ACBD6: variants seen among roughly 807,000 people sequenced by gnomAD.
The protein encoded by ACBD6 is acyl-CoA binding domain containing 6, also known as acyl-CoA-binding domain-containing protein 6.
ACBD6 carries 28 observed loss-of-function variants against 37.2 expected under a neutral mutation model. The observed-to-expected ratio is 0.75, with a 90% CI of 0.56 to 1.03. The LOEUF (loss-of-function observed/expected upper bound fraction) is 1.03, where lower values mean the gene tolerates loss of function less well. ACBD6 is among the 50% of genes least tolerant of loss of function. The pLI is 0.00. For missense variants in ACBD6, 340 were observed against 337.4 expected (o/e 1.01, Z -0.06); for synonymous variants, 113 against 126.8 (o/e 0.89, Z 0.73).
intron 3 of ACBD6, among the ~76,000 whole-genome samples, chr1:180,450,869 G>C (rs369415536): frequency 1.3e-5 from 2 of 152,050 alleles, no homozygotes; most frequent in Non-Finnish European, 2.9e-5. Context: ...AAACAATAAC[G>C]ATACCAAAAC....
intron 4 of ACBD6, among the ~76,000 whole-genome samples, chr1:180,429,589 T>C (rs1161083359): frequency 3.3e-5 from 5 of 152,204 alleles, no homozygotes; most frequent in African/African-American, 1.2e-4. Context: ...GATTCTGCTT[T>C]CTTGTTTCTG....
At chr1:180,286,010 T>TA (rs1649486814), downstream of ACBD6, among the ~76,000 whole-genome samples, 1 of 152,200 alleles carries the variant, frequency 6.6e-6, no homozygotes, top group Non-Finnish European at 1.5e-5. Flanking sequence ...CTTTTCAAGA[T>TA]ATCTCATGTA....
chr1:180,419,668 TTTTA>T (rs1185100168), intron 4 of ACBD6, among the ~76,000 whole-genome samples: 4 of 152,210 alleles, frequency 2.6e-5, no homozygotes, highest in African/African-American at 9.7e-5. Flanking sequence ...GTTGATAAAT[TTTTA>T]TTTGTGTTAT....
At chr1:180,456,781 T>C (rs140701521) in intron 3 of ACBD6, among the ~76,000 whole-genome samples, 5 of 152,052 alleles carry the variant, frequency 3.3e-5, no homozygotes, top group African/African-American at 9.7e-5. Context: ...TGGAGTACAG[T>C]GGCATGATCA....
At chr1:180,424,362 T>C (rs1276641079) in intron 4 of ACBD6, among the ~76,000 whole-genome samples, 3 of 152,170 alleles carry the variant, frequency 2.0e-5, no homozygotes, top group South Asian at 4.1e-4. Flanking sequence ...TATTCTTATC[T>C]TAAGAATTCA....
At chr1:180,448,186 T>C (rs1469895099) in intron 3 of ACBD6, among the ~76,000 whole-genome samples, 1 of 152,182 alleles carries the variant, frequency 6.6e-6, no homozygotes, top group East Asian at 1.9e-4. Context: ...TATTAGTCTT[T>C]TGGAAAGTAT....
intron 6 of ACBD6, among the ~76,000 whole-genome samples, chr1:180,396,063 T>C (rs1342720921): frequency 6.6e-6 from 1 of 152,284 alleles, no homozygotes; most frequent in East Asian, 1.9e-4. Flanking sequence ...AAATATTGTA[T>C]GATTCCACTT....
At chr1:180,435,405 C>G in intron 3 of ACBD6, 1 of 408,800 alleles carries the variant, frequency 2.4e-6, no homozygotes, top group East Asian at 5.0e-5. Context: ...CCCGCCACCA[C>G]GCCTGGCTAA....
chr1:180,403,332 T>C (rs1358481220), intron 5 of ACBD6, among the ~76,000 whole-genome samples: 1 of 152,194 alleles, frequency 6.6e-6, no homozygotes, highest in Non-Finnish European at 1.5e-5. Flanking sequence ...TGCATTTCAT[T>C]GTATATAAAT....
chr1:180,440,896 G>A (rs757785501), intron 3 of ACBD6, among the ~76,000 whole-genome samples: 29 of 152,052 alleles, frequency 1.9e-4, no homozygotes, highest in Non-Finnish European at 3.5e-4. Flanking sequence ...TCCTTTTTAT[G>A]ATTAATAGTC....
intron 7 of ACBD6, among the ~76,000 whole-genome samples, 154 bp downstream of exon 7, chr1:180,314,538 C>G (rs1650721697): frequency 6.6e-6 from 1 of 152,206 alleles, no homozygotes; most frequent in African/African-American, 2.4e-5. Flanking sequence ...AGCCCTCACG[C>G]CCGGCCTAAT....
intron 3 of ACBD6, among the ~76,000 whole-genome samples, chr1:180,437,837 CAAAG>C (rs1290558331): frequency 6.6e-6 from 1 of 152,046 alleles, no homozygotes; most frequent in Non-Finnish European, 1.5e-5. Flanking sequence ...TGAATAAAGA[CAAAG>C]GAAGTGAAGA....
intron 6 of ACBD6, among the ~76,000 whole-genome samples, chr1:180,355,164 G>A (rs1382883116): frequency 6.6e-6 from 1 of 152,114 alleles, no homozygotes; most frequent in Non-Finnish European, 1.5e-5. Context: ...TTATGAAATA[G>A]GTACTAAGTT....
chr1:180,454,020 A>G (rs1471985674), intron 3 of ACBD6, among the ~76,000 whole-genome samples: 4 of 152,202 alleles, frequency 2.6e-5, no homozygotes, highest in Non-Finnish European at 5.9e-5. Context: ...ATTAGAAAAA[A>G]CTACCTTAAA....
At chr1:180,489,904 C>T (rs191253233) in intron 3 of ACBD6, among the ~76,000 whole-genome samples, 1 of 152,268 alleles carries the variant, frequency 6.6e-6, no homozygotes, top group Non-Finnish European at 1.5e-5. Context: ...GGTGATCCAC[C>T]CGCCTCAGCC....
chr1:180,276,992 A>G (rs1649076878), intron 9 of ACBD6: 2 of 152,212 alleles, frequency 1.3e-5, no homozygotes, highest in African/African-American at 4.8e-5. Flanking sequence ...TGAGGAACTC[A>G]GTGAGCAGTT....
intron 6 of ACBD6, among the ~76,000 whole-genome samples, chr1:180,321,162 A>G (rs981831983): frequency 6.6e-6 from 1 of 152,032 alleles, no homozygotes; most frequent in Non-Finnish European, 1.5e-5. Flanking sequence ...CTCTATTTTT[A>G]TGTCAATACC....
intron 3 of ACBD6, among the ~76,000 whole-genome samples, chr1:180,452,324 C>A (rs1478766591): frequency 3.3e-5 from 5 of 151,850 alleles, no homozygotes; most frequent in Admixed American, 3.3e-4. Context: ...ACAAAAATTA[C>A]CTGGGCATGG....
chr1:180,335,629 T>G (rs1651681284), intron 6 of ACBD6, among the ~76,000 whole-genome samples: 1 of 151,556 alleles, frequency 6.6e-6, no homozygotes. Flanking sequence ...CCAGCTAACA[T>G]CATAATGACA....
Sources: gnomAD v4.1 joint callset for allele counts (sites outside exome capture counted in the v4.1 genomes callset) on GRCh38, gnomAD v4.1.1 for gene constraint, MANE v1.5 for transcripts, NCBI Gene and HGNC (gene_info 2026-07-23, HGNC 2026-07-21) for gene names.